PCSK5: variants seen among roughly 807,000 people sequenced by gnomAD.
PCSK5 encodes the protein prohormone convertase 5.
Under a neutral mutation model 233.2 loss-of-function variants are expected in PCSK5, and 129 were observed. That is an observed-to-expected ratio of 0.55 (90% CI 0.48 to 0.64). PCSK5 has a LOEUF of 0.64. Among genes scored for constraint, PCSK5 ranks in the 30% least tolerant of loss-of-function variants. The probability of loss-of-function intolerance (pLI) is 0.00; values close to 1 mark genes in which losing one functional copy is unlikely to be tolerated. For synonymous variants in PCSK5, 825 were observed against 879.2 expected, an observed-to-expected ratio of 0.94 and a Z score of 1.09; for missense variants, 2,076 against 2,430.1, an observed-to-expected ratio of 0.85 and a Z score of 3.06.
intron 2 of PCSK5, among the ~76,000 whole-genome samples, chr9:75,970,967 G>A (rs1463993348): frequency 6.6e-6 from 1 of 152,072 alleles, no homozygotes; most frequent in Non-Finnish European, 1.5e-5. Context: ...TGCAGGACGT[G>A]CAGGTTTGTT....
chr9:76,119,845 C>G (rs2131711262), intron 9 of PCSK5, among the ~76,000 whole-genome samples: 1 of 152,050 alleles, frequency 6.6e-6, no homozygotes, highest in Non-Finnish European at 1.5e-5. Context: ...TTATTATTGA[C>G]TATAGTCACC....
intron 1 of PCSK5, among the ~76,000 whole-genome samples, chr9:75,895,738 T>G (rs1825774248): frequency 6.6e-6 from 1 of 152,200 alleles, no homozygotes; most frequent in Admixed American, 6.5e-5. Flanking sequence ...ATTTTATTTT[T>G]TATTCTGAGT....
intron 11 of PCSK5, among the ~76,000 whole-genome samples, chr9:76,158,727 C>A (rs1469515014): frequency 2.0e-5 from 3 of 152,318 alleles, no homozygotes; most frequent in Non-Finnish European, 4.4e-5. Flanking sequence ...AAGCTGACAT[C>A]AATGCATACT....
intron 1 of PCSK5, among the ~76,000 whole-genome samples, chr9:75,921,533 TTCTC>T (rs2131257715): frequency 6.6e-6 from 1 of 152,214 alleles, no homozygotes; most frequent in East Asian, 1.9e-4. Context: ...CATGTGTTCT[TTCTC>T]TCAGCCTCTC....
intron 24 of PCSK5, among the ~76,000 whole-genome samples, chr9:76,273,817 C>CT (rs745490756): frequency 0.025 from 3,500 of 140,018 alleles, 59 homozygotes; most frequent in Non-Finnish European, 0.036. Context: ...TTTTTTTTTT[C>CT]TTTTTTTTTT....
chr9:76,035,393 T>G (rs902359647), intron 5 of PCSK5, among the ~76,000 whole-genome samples: 2 of 152,170 alleles, frequency 1.3e-5, no homozygotes, highest in Admixed American at 1.3e-4. Context: ...AATGCATTAA[T>G]TATTCCCAGG....
At chr9:76,282,327 T>C (rs948844764) in intron 24 of PCSK5, among the ~76,000 whole-genome samples, 7 of 147,338 alleles carry the variant, frequency 4.8e-5, no homozygotes, top group African/African-American at 1.7e-4. Flanking sequence ...TCTTTTTCTT[T>C]CTTTCTTTCT....
At chr9:75,920,724 T>C (rs1823219356) in intron 1 of PCSK5, among the ~76,000 whole-genome samples, 1 of 152,088 alleles carries the variant, frequency 6.6e-6, no homozygotes, top group South Asian at 2.1e-4. Context: ...AAGAATCACT[T>C]GAACCTGGAA....
intron 9 of PCSK5, among the ~76,000 whole-genome samples, chr9:76,109,560 GTTTT>G: frequency 7.3e-6 from 1 of 136,798 alleles, no homozygotes; most frequent in African/African-American, 2.7e-5. Flanking sequence ...GACTACAATT[GTTTT>G]TTTTTTTTTT....
intron 1 of PCSK5, among the ~76,000 whole-genome samples, chr9:75,906,207 G>A (rs938230355): frequency 1.3e-5 from 2 of 152,108 alleles, no homozygotes. Context: ...GAGACTCACT[G>A]AGGAGGAACA....
At chr9:76,113,305 C>G (rs1004946438) in intron 9 of PCSK5, among the ~76,000 whole-genome samples, 6 of 152,100 alleles carry the variant, frequency 3.9e-5, no homozygotes, top group African/African-American at 1.4e-4. Context: ...AGTGTTGAGC[C>G]AAAGGATGAT....
chr9:76,360,846 A>G lies in PCSK5; in HGVS notation c.*1924A>G, dbSNP rs527562517. 1.3e-5 allele frequency: 2 copies of G among 152,358 alleles called. No individual in the cohort carries two copies. Among genetic ancestry groups the G allele is most frequent in the East Asian group, 3.9e-4 (2 of 5,190 alleles). The allele number at this position is 152,358 out of a possible 1,614,324, so 9.4% of individuals were successfully genotyped here. A position where few individuals can be genotyped will look rare whatever the true frequency, so the allele number is the denominator to read the frequency against. Reference sequence around the variant, plus strand: ...GAAATTCAGGTAATTTTCACATATTATAAAATTTTATTCTTCTTTTGATTT... The same window carrying G: ...GAAATTCAGGTAATTTTCACATATTGTAAAATTTTATTCTTCTTTTGATTT... On this transcript the variant is annotated 3_prime_UTR_variant, in exon 38 of 38. Coordinates refer to ENST00000674117, the MANE Select transcript of PCSK5 (RefSeq NM_001372043.1).
At chr9:76,079,036 C>T (rs754567942) in intron 7 of PCSK5, among the ~76,000 whole-genome samples, 1 of 151,848 alleles carries the variant, frequency 6.6e-6, no homozygotes, top group Non-Finnish European at 1.5e-5. Context: ...AGACATCTTT[C>T]ACGTCCTTGG....
intron 24 of PCSK5, among the ~76,000 whole-genome samples, chr9:76,279,437 A>G (rs1419068617): frequency 6.6e-6 from 1 of 151,336 alleles, no homozygotes; most frequent in African/African-American, 2.4e-5. Flanking sequence ...CAGTAATGGG[A>G]TGGCTGGGTC....
intron 1 of PCSK5, among the ~76,000 whole-genome samples, chr9:75,924,733 G>C (rs1823404766): frequency 6.6e-6 from 1 of 152,286 alleles, no homozygotes; most frequent in African/African-American, 2.4e-5. Context: ...ACAACTCTTA[G>C]AAATACAGCT....
In PCSK5 at chr9:75,891,391, A is replaced by G; in HGVS notation, c.192+18A>G. ...TAGGACAGGTAACGAACTACAGGCTAGCCCAGCCCTCGGCCCTGAAGCCAC... is the reference window on the plus strand; with the variant it reads ...TAGGACAGGTAACGAACTACAGGCTGGCCCAGCCCTCGGCCCTGAAGCCAC... On this transcript the variant is annotated intron_variant, in intron 1 of 37. Coordinates refer to ENST00000674117, the MANE Select transcript of PCSK5 (RefSeq NM_001372043.1). The G allele has an allele frequency of 6.5e-7, 1 of 1,536,938 alleles. No individual in the cohort carries two copies. Among genetic ancestry groups the G allele is most frequent in the Non-Finnish European group, 8.7e-7 (1 of 1,148,656 alleles).
In PCSK5 at chr9:76,292,230, C is replaced by T; in HGVS notation, c.3143-3C>T. ...ATTACTTTTTATTATTTTTTTTTTC[C>T]AGATGATCCAGGAACATGTACATCT... On this transcript the variant is annotated splice_region_variant and splice_polypyrimidine_tract_variant and intron_variant, in intron 24 of 37. Coordinates refer to ENST00000674117, the MANE Select transcript of PCSK5 (RefSeq NM_001372043.1). The T allele has an allele frequency of 6.5e-7, 1 of 1,533,250 alleles. No individual in the cohort carries two copies. Among genetic ancestry groups the T allele is most frequent in the Non-Finnish European group, 9.0e-7 (1 of 1,114,118 alleles). 95.0% of individuals were successfully genotyped at this position (1,533,250 alleles called of 1,614,324 possible).
chr9:76,085,670 TG>T (rs1564017005), intron 7 of PCSK5, among the ~76,000 whole-genome samples: 1 of 152,244 alleles, frequency 6.6e-6, no homozygotes, highest in East Asian at 1.9e-4. Flanking sequence ...TGGAGAGGGC[TG>T]ATCTTCTCTA....
intron 30 of PCSK5, among the ~76,000 whole-genome samples, chr9:76,313,761 C>T (rs1828937653): frequency 6.6e-6 from 1 of 152,052 alleles, no homozygotes; most frequent in Non-Finnish European, 1.5e-5. Flanking sequence ...CAGCTTCATC[C>T]CCAGCTGGGT....
Sources: gnomAD v4.1 joint callset for allele counts (sites outside exome capture counted in the v4.1 genomes callset) on GRCh38, gnomAD v4.1.1 for gene constraint, MANE v1.5 for transcripts, NCBI Gene and HGNC (gene_info 2026-07-23, HGNC 2026-07-21) for gene names.